The following DCLK1 variants were observed in gnomAD, a reference collection of about 807,000 sequenced individuals.
DCLK1 encodes the protein serine/threonine-protein kinase DCLK1.
A neutral mutation model predicts 86.2 loss-of-function variants in DCLK1; 16 were observed. The observed-to-expected ratio is 0.19, with a 90% confidence interval of 0.13 to 0.28. The LOEUF is 0.28. Among genes scored for constraint, DCLK1 ranks in the 10% least tolerant of loss-of-function variants. The pLI is 1.00. For synonymous variants in DCLK1, 369 were observed against 370.5 expected (o/e 1.00, Z 0.05); for missense variants, 590 against 940.2 (o/e 0.63, Z 4.87).
In DCLK1 at chr13:35,926,018, G is replaced by A. The variant is rs187383201; in HGVS notation, c.823+21340C>T. 1.5e-3 allele frequency among the ~76,000 whole-genome samples: 222 copies of A among 151,870 alleles called. 1 individual carries two copies. Among genetic ancestry groups the A allele is most frequent in the African/African-American group, 5.2e-3 (214 of 41,392 alleles). On this transcript the variant is annotated intron_variant, in intron 4 of 16. Coordinates refer to ENST00000360631, the MANE Select transcript of DCLK1 (RefSeq NM_001330071.2). ...GGGGTGAGAGTTACACATATTAACA[G>A]TCTCTTGGCCAGAAGGGAAGAAATA...
chr13:35,844,613 A>G (rs763458740), intron 6 of DCLK1, among the ~76,000 whole-genome samples: 1 of 152,214 alleles, frequency 6.6e-6, no homozygotes, highest in South Asian at 2.1e-4. Context: ...CTCTGGATAG[A>G]ATAATTCCCT....
chr13:35,787,166 A>G (rs893209132), intron 16 of DCLK1, among the ~76,000 whole-genome samples: 6 of 151,772 alleles, frequency 4.0e-5, no homozygotes, highest in African/African-American at 1.5e-4. Context: ...ATACATATAT[A>G]TTTTAATTTT....
chr13:36,083,960 A>AG (rs1196678139), intron 3 of DCLK1, among the ~76,000 whole-genome samples: 1 of 152,200 alleles, frequency 6.6e-6, no homozygotes, highest in African/African-American at 2.4e-5. Context: ...TTATAACATA[A>AG]TTAGAATGTG....
At chr13:35,954,567 A>G (rs938607347) in intron 3 of DCLK1, among the ~76,000 whole-genome samples, 1 of 152,144 alleles carries the variant, frequency 6.6e-6, no homozygotes, top group African/African-American at 2.4e-5. Context: ...GTGTTACGTT[A>G]TTGTCATAAA....
At chr13:35,794,326 A>G (rs1452940029) in intron 15 of DCLK1, among the ~76,000 whole-genome samples, 3 of 152,252 alleles carry the variant, frequency 2.0e-5, no homozygotes, top group Non-Finnish European at 4.4e-5. Context: ...ATTGTGGAAT[A>G]AATGAATGAA....
At chr13:35,852,332 C>G (rs1426863601) in intron 6 of DCLK1, among the ~76,000 whole-genome samples, 3 of 152,184 alleles carry the variant, frequency 2.0e-5, no homozygotes, top group Admixed American at 1.3e-4. Flanking sequence ...GAAAGCTCCT[C>G]TGGCTAAAGC....
At chr13:35,790,908 G>T (rs1005433982) in intron 16 of DCLK1, among the ~76,000 whole-genome samples, 1 of 152,120 alleles carries the variant, frequency 6.6e-6, no homozygotes, top group African/African-American at 2.4e-5. Flanking sequence ...ATGAAAAAAT[G>T]GTTATGCAAT....
chr13:36,061,655 T>A lies in DCLK1; in HGVS notation c.723+50214A>T, dbSNP rs935263277. Among the ~76,000 whole-genome samples, 23 of 152,334 alleles carry A rather than the reference T, an allele frequency of 1.5e-4. No homozygotes were observed. The South Asian group carries it at 4.8e-3, about 32-fold the overall frequency. ...ATCTGGAAAAATGGCAAAAATAGTT[T>A]CTAGTTTAAATACTGCAACAGATAG... On this transcript the variant is annotated intron_variant, in intron 3 of 16. Coordinates refer to ENST00000360631, the MANE Select transcript of DCLK1 (RefSeq NM_001330071.2).
chr13:36,103,246 C>T (rs983354311), intron 3 of DCLK1, among the ~76,000 whole-genome samples: 1 of 151,604 alleles, frequency 6.6e-6, no homozygotes, highest in Non-Finnish European at 1.5e-5. Context: ...ACTAAAAATA[C>T]AAAAATTAGC....
intron 4 of DCLK1, among the ~76,000 whole-genome samples, chr13:35,932,887 T>A (rs1452764095): frequency 1.3e-5 from 2 of 152,210 alleles, no homozygotes; most frequent in Non-Finnish European, 2.9e-5. Flanking sequence ...CCCCAAAGTC[T>A]TAACTCATTT....
At chr13:35,903,190 A>G (rs1874477408) in intron 4 of DCLK1, among the ~76,000 whole-genome samples, 1 of 152,178 alleles carries the variant, frequency 6.6e-6, no homozygotes, top group Non-Finnish European at 1.5e-5. Context: ...GCTTCTATCA[A>G]TTGCCCTTCA....
intron 6 of DCLK1, chr13:35,850,310 T>C (rs1870513227): frequency 2.0e-6 from 2 of 985,486 alleles, no homozygotes; most frequent in Non-Finnish European, 2.4e-6. Context: ...TAATATGCTT[T>C]ACAGAAAGTA....
intron 3 of DCLK1, among the ~76,000 whole-genome samples, chr13:36,086,068 C>T (rs970865442): frequency 2.0e-5 from 3 of 152,216 alleles, no homozygotes; most frequent in South Asian, 4.1e-4. Context: ...TATTAATCTG[C>T]ATGAGATATA....
intron 3 of DCLK1, among the ~76,000 whole-genome samples, chr13:36,059,637 G>A (rs934027559): frequency 3.3e-5 from 5 of 152,198 alleles, no homozygotes; most frequent in Non-Finnish European, 1.5e-5. Context: ...TGGGTAGCCA[G>A]AACTAATGGT....
At chr13:35,844,983 C>G (rs1408218439) in intron 6 of DCLK1, among the ~76,000 whole-genome samples, 1 of 152,180 alleles carries the variant, frequency 6.6e-6, no homozygotes, top group Non-Finnish European at 1.5e-5. Context: ...TACAGTGGCT[C>G]ACACCTATAA....
chr13:36,126,487 T>C (rs1886193422), intron 1 of DCLK1, among the ~76,000 whole-genome samples: 1 of 152,124 alleles, frequency 6.6e-6, no homozygotes, highest in Non-Finnish European at 1.5e-5. Flanking sequence ...TGGTCTTGAA[T>C]CCCTGGCCTC....
intron 5 of DCLK1, among the ~76,000 whole-genome samples, chr13:35,865,806 T>C (rs938318401): frequency 1.4e-4 from 21 of 152,218 alleles, no homozygotes; most frequent in Admixed American, 9.2e-4. Context: ...ATTCCCATTC[T>C]TGTTCTAATG....
intron 5 of DCLK1, chr13:35,855,471 T>G (rs761534923): frequency 6.1e-5 from 96 of 1,576,268 alleles, no homozygotes; most frequent in Non-Finnish European, 8.2e-5. Context: ...GCAAAATAAA[T>G]GCTTTCCACA....
intron 4 of DCLK1, among the ~76,000 whole-genome samples, chr13:35,937,209 A>G (rs1044806456): frequency 3.3e-5 from 5 of 151,174 alleles, no homozygotes; most frequent in South Asian, 2.1e-4. Context: ...TCCTGACCTC[A>G]TGATCCGCCC....
Sources: gnomAD v4.1 joint callset for allele counts (sites outside exome capture counted in the v4.1 genomes callset) on GRCh38, gnomAD v4.1.1 for gene constraint, MANE v1.5 for transcripts, NCBI Gene and HGNC (gene_info 2026-07-23, HGNC 2026-07-21) for gene names.